NFIC: variants seen among roughly 807,000 people sequenced by gnomAD.
NFIC encodes the protein nuclear factor 1 C-type.
NFIC carries 12 observed loss-of-function variants against 54.4 expected under a neutral mutation model. The ratio of observed to expected loss-of-function variants is 0.22; its 90% CI spans 0.14 to 0.36. The LOEUF (loss-of-function observed/expected upper bound fraction) is 0.36, where lower values mean the gene tolerates loss of function less well. NFIC is among the 10% of genes least tolerant of loss of function. The pLI, the probability that NFIC is intolerant of heterozygous loss-of-function variation, is 1.00. For synonymous variants in NFIC, 322 were observed against 319.2 expected (o/e 1.01, Z -0.09); for missense variants, 575 against 718.2 (o/e 0.80, Z 2.28).
In NFIC at chr19:3,442,216, G is replaced by A. The variant is rs371203336; in HGVS notation, c.959-6798G>A. Among the ~76,000 whole-genome samples the A allele has an allele frequency of 3.3e-5, 5 of 152,222 alleles. No homozygotes were observed. In the East Asian group the frequency reaches 5.8e-4, roughly 18 times the overall value. On this transcript the variant is annotated intron_variant, in intron 6 of 10. Transcript: ENST00000443272. ...CCCTGCTTACGCGGCTGCGTGGGGT[G>A]GAGGGAAGGTGCCTTGGAGCAGCCC...
In NFIC at chr19:3,369,034, T is replaced by G. The variant is rs577459211; in HGVS notation, c.30+2368T>G. 2.0e-5 allele frequency among the ~76,000 whole-genome samples: 3 copies of G among 152,088 alleles called. No homozygotes were observed. The highest frequency in any genetic ancestry group is 6.6e-5 in the Admixed American group (1 of 15,258). On this transcript the variant is annotated intron_variant, in intron 1 of 10. Transcript: ENST00000443272. This position sits in a 1 kb window ranked among gnomAD's most constrained non-coding sequence, Gnocchi z 4.3. ...GTTGGTCTCTTTGTGTCTCTCTTTCTCATCCTCTGTCTCTCTGATGTCTCA... is the reference window on the plus strand; with the variant it reads ...GTTGGTCTCTTTGTGTCTCTCTTTCGCATCCTCTGTCTCTCTGATGTCTCA...
intron 1 of NFIC, among the ~76,000 whole-genome samples, chr19:3,380,474 C>T (rs1203682276): frequency 1.3e-5 from 2 of 151,196 alleles, no homozygotes; most frequent in African/African-American, 4.9e-5. Flanking sequence ...TACAGGTGTG[C>T]TCCAATATGC....
Position 3,452,489 on chromosome 19 carries a change from C to T in NFIC, c.1092C>T (p.Ala364=). The T allele has an allele frequency of 6.2e-7, 1 of 1,611,836 alleles. No homozygotes were observed. Among genetic ancestry groups the T allele is most frequent in the Non-Finnish European group, 8.5e-7 (1 of 1,179,986 alleles). The change falls in exon 8 of 11, where the codon GCC becomes GCT. Residue 364 remains alanine, a synonymous_variant. Transcript: ENST00000443272. This position sits in a 1 kb window ranked among gnomAD's most constrained non-coding sequence, Gnocchi z 5.3. The part of the protein sequence containing the change: ...RPVIAVHSGI[A]RSPHPSSALH... ...TTCCCACTGTCTCCGCAGGGATCGCCCGGAGCCCACACCCGTCCTCCGCTC... is the reference window on the plus strand; with the variant it reads ...TTCCCACTGTCTCCGCAGGGATCGCTCGGAGCCCACACCCGTCCTCCGCTC...
chr19:3,438,421 G>A (rs2082239100), intron 6 of NFIC, among the ~76,000 whole-genome samples: 1 of 148,348 alleles, frequency 6.7e-6, no homozygotes, highest in East Asian at 2.1e-4. Context: ...ACTCCCTCCT[G>A]AGGGTTTCTT....
chr19:3,384,131 T>C (rs1282302951), intron 2 of NFIC, among the ~76,000 whole-genome samples: 1 of 150,524 alleles, frequency 6.6e-6, no homozygotes, highest in East Asian at 2.0e-4. Context: ...CTCGGCTCAC[T>C]GTAGCCTCGA....
rs1599737832 is a variant in NFIC, at chr19:3,463,425, G to A, written c.*656G>A. On this transcript the variant is annotated 3_prime_UTR_variant, in exon 11 of 11. Coordinates refer to ENST00000443272, the MANE Select transcript of NFIC (RefSeq NM_001245002.2). ...CAGGCGAGTGGTGTCGCGGGGGTGC[G>A]TGGCGCTTGCGAGCCCTGGCCAGGG... 1 of 985,546 alleles carries A rather than the reference G, an allele frequency of 1.0e-6. No individual in the cohort carries two copies. The highest frequency in any genetic ancestry group is 1.1e-4 in the East Asian group (1 of 8,796). The allele number at this position is 985,546 out of a possible 1,614,324, so 61.1% of individuals were successfully genotyped here.
intron 5 of NFIC, among the ~76,000 whole-genome samples, chr19:3,434,691 T>C (rs968826395): frequency 1.3e-5 from 2 of 152,104 alleles, no homozygotes; most frequent in Admixed American, 6.5e-5. Flanking sequence ...TGCTGAGATA[T>C]GCTTTGTGAC....
chr19:3,402,626 CT>C (rs1438782153), intron 2 of NFIC, among the ~76,000 whole-genome samples: 1 of 152,192 alleles, frequency 6.6e-6, no homozygotes, highest in Non-Finnish European at 1.5e-5. Context: ...CAATCACTAA[CT>C]TCCTCTGAAG....
At chr19:3,378,179 T>C (rs2081140246) in intron 1 of NFIC, among the ~76,000 whole-genome samples, 1 of 151,054 alleles carries the variant, frequency 6.6e-6, no homozygotes. Context: ...GAGAATCTCT[T>C]GAACCTGGGA....
chr19:3,420,350 G>A (rs956375671), intron 2 of NFIC, among the ~76,000 whole-genome samples: 1 of 151,934 alleles, frequency 6.6e-6, no homozygotes, highest in African/African-American at 2.4e-5. Flanking sequence ...AGATCAGCCT[G>A]GCTATCATGG....
chr19:3,408,809 C>G (rs576919936), intron 2 of NFIC, among the ~76,000 whole-genome samples: 1 of 152,252 alleles, frequency 6.6e-6, no homozygotes, highest in South Asian at 2.1e-4. Flanking sequence ...ACCATGTTGA[C>G]CAGGTTGGTC....
At chr19:3,408,130 TCAAC>T (rs1275530415) in intron 2 of NFIC, among the ~76,000 whole-genome samples, 1 of 151,690 alleles carries the variant, frequency 6.6e-6, no homozygotes, top group African/African-American at 2.4e-5. Flanking sequence ...CGTTGGAAAA[TCAAC>T]CAGGCGAGCT....
chr19:3,384,589 A>C (rs966361034), intron 2 of NFIC, among the ~76,000 whole-genome samples: 2 of 152,048 alleles, frequency 1.3e-5, no homozygotes, highest in African/African-American at 4.8e-5. Context: ...GGGTTTCACC[A>C]TGTTGGCCAG....
rs1227997025 is a variant in NFIC, at chr19:3,370,285, C to A, written c.30+3619C>A. Among the ~76,000 whole-genome samples the A allele has an allele frequency of 6.6e-6, 1 of 152,098 alleles. No individual in the cohort carries two copies. Among genetic ancestry groups the A allele is most frequent in the African/African-American group, 2.4e-5 (1 of 41,420 alleles). On this transcript the variant is annotated intron_variant, in intron 1 of 10. Transcript: ENST00000443272. This position sits in a 1 kb window ranked among gnomAD's most constrained non-coding sequence, Gnocchi z 5.2. ...GGGCGCTCTCTCCCCGTGTGCCCCC[C>A]ACCCGGGGCCTGGTGGCCTCTGATT... is the stretch of plus-strand genomic sequence containing the variant.
At chr19:3,386,871 C>T (rs2081305068) in intron 2 of NFIC, among the ~76,000 whole-genome samples, 1 of 152,192 alleles carries the variant, frequency 6.6e-6, no homozygotes, top group Non-Finnish European at 1.5e-5. Flanking sequence ...GAGGGCCCCA[C>T]AGGCTGAGGT....
chr19:3,461,370 C>CCAA, intron 10 of NFIC, among the ~76,000 whole-genome samples: 1 of 152,112 alleles, frequency 6.6e-6, no homozygotes, highest in Non-Finnish European at 1.5e-5. Flanking sequence ...CTGCAGTGAG[C>CCAA]TATGATGGCA....
At chr19:3,400,863 T>C (rs1206496875) in intron 2 of NFIC, among the ~76,000 whole-genome samples, 2 of 151,768 alleles carry the variant, frequency 1.3e-5, no homozygotes, top group East Asian at 3.9e-4. Context: ...ATAATAAAAA[T>C]AAAAAGAAAT....
chr19:3,388,660 C>CG (rs1568413985), intron 2 of NFIC, among the ~76,000 whole-genome samples: 5 of 151,794 alleles, frequency 3.3e-5, no homozygotes, highest in Non-Finnish European at 7.4e-5. Flanking sequence ...ATGCCCCCCC[C>CG]CAACAAAATT....
Position 3,369,140 on chromosome 19 carries a change from G to GTCTCTGTC in NFIC, c.30+2487_30+2494dup, listed in dbSNP as rs907931416. On this transcript the variant is annotated intron_variant, in intron 1 of 10. Coordinates refer to ENST00000443272, the MANE Select transcript of NFIC (RefSeq NM_001245002.2). This position sits in a 1 kb window ranked among gnomAD's most constrained non-coding sequence, Gnocchi z 4.3. ...TTGTCTCTGCATGTCTCTTTGATGT[G>GTCTCTGTC]TCTCTGTCTCTCTGTCTCTCCCTCC... is the stretch of plus-strand genomic sequence containing the variant. Among the ~76,000 whole-genome samples the GTCTCTGTC allele has an allele frequency of 6.6e-6, 1 of 150,624 alleles. No homozygotes were observed. The highest frequency in any genetic ancestry group is 2.5e-5 in the African/African-American group (1 of 40,768).
Sources: allele counts gnomAD v4.1 joint callset (sites outside exome capture counted in the v4.1 genomes callset), GRCh38; gene constraint gnomAD v4.1.1; non-coding constraint Gnocchi (gnomAD v3.1); transcripts MANE v1.5; gene names NCBI Gene and HGNC (gene_info 2026-07-23, HGNC 2026-07-21).